The following USP10 variants were observed in gnomAD, a reference collection of about 807,000 sequenced individuals.
USP10 encodes ubiquitin carboxyl-terminal hydrolase 10.
In USP10, 22 loss-of-function variants were observed where a neutral mutation model predicts 84.5. That is an observed-to-expected ratio of 0.26 (90% CI 0.19 to 0.37). The LOEUF (loss-of-function observed/expected upper bound fraction) is 0.37. Among genes scored for constraint, USP10 ranks in the 10% least tolerant of loss-of-function variants. USP10 has a pLI of 1.00. For synonymous variants in USP10, 454 were observed against 387.6 expected (o/e 1.17, Z -2.01); for missense variants, 1,019 against 998.9 (o/e 1.02, Z -0.27).
chr16:84,772,663 T>C lies in USP10; in HGVS notation c.2121T>C (p.Pro707=). 6.2e-7 allele frequency: 1 copy of C among 1,613,964 alleles called. No homozygotes were observed. Among genetic ancestry groups the C allele is most frequent in the East Asian group, 2.2e-5 (1 of 44,886 alleles). Residue 707 remains proline (P), a synonymous_variant, in exon 12 of 14, where the codon CCT becomes CCC. Transcript: ENST00000219473. ...AGCTTATCAAAAATATTGAATATCC[T>C]GTGGACTTGGAAATTAGTAAAGGTA... ...CQKLIKNIEY[P]VDLEISKELL... is the part of the protein sequence containing the mutation.
chr16:84,763,623 G>C (rs958874397), intron 9 of USP10, among the ~76,000 whole-genome samples: 1 of 152,234 alleles, frequency 6.6e-6, no homozygotes, highest in Non-Finnish European at 1.5e-5. Flanking sequence ...AATTTCGCCA[G>C]TTGTCCCAGG....
In USP10 at chr16:84,779,800, C is replaced by G. The variant is rs1382405414; in HGVS notation, c.*718C>G. 1 of 152,638 alleles carries G rather than the reference C, an allele frequency of 6.6e-6. No homozygotes were observed. Among genetic ancestry groups the G allele is most frequent in the Non-Finnish European group, 1.5e-5 (1 of 68,058 alleles). 9.5% of individuals were successfully genotyped at this position (152,638 alleles called of 1,614,324 possible). ...AAATAATGAAGATCTCTCCTTCAGT[C>G]TGCTCTGTTTAATTCTGCTGTCTGC... On this transcript the variant is annotated 3_prime_UTR_variant, in exon 14 of 14. Coordinates refer to ENST00000219473, the MANE Select transcript of USP10 (RefSeq NM_005153.3).
At chr16:84,724,565 C>A (rs1277196972) in intron 1 of USP10, among the ~76,000 whole-genome samples, 4 of 152,106 alleles carry the variant, frequency 2.6e-5, no homozygotes, top group African/African-American at 9.7e-5. Flanking sequence ...CCTCTTTGCC[C>A]CAAGAAAGTA....
chr16:84,704,785 G>C, intron 1 of USP10: 1 of 1,535,460 alleles, frequency 6.5e-7, no homozygotes, highest in South Asian at 1.2e-5. Flanking sequence ...TGAGAACCCA[G>C]AAGCTCTACC....
At chr16:84,729,540 A>G (rs1054541219) in intron 1 of USP10, among the ~76,000 whole-genome samples, 3 of 152,222 alleles carry the variant, frequency 2.0e-5, no homozygotes, top group Non-Finnish European at 4.4e-5. Context: ...TATGGGGAAT[A>G]CTCATTGTAT....
At chr16:84,754,611 C>T (rs1460430718) in intron 4 of USP10, among the ~76,000 whole-genome samples, 3 of 152,150 alleles carry the variant, frequency 2.0e-5, no homozygotes, top group East Asian at 1.9e-4. Context: ...AAAACTGAAA[C>T]TGCTTTTTAA....
intron 12 of USP10, among the ~76,000 whole-genome samples, chr16:84,773,166 C>G (rs935982600): frequency 2.6e-5 from 4 of 152,146 alleles, no homozygotes; most frequent in East Asian, 1.9e-4. Flanking sequence ...GGGCTCGGCA[C>G]TTTTTGAAAG....
chr16:84,750,131 G>T lies in USP10; in HGVS notation c.1192+4458G>T, dbSNP rs187871677. Among the ~76,000 whole-genome samples the T allele has an allele frequency of 1.4e-4, 21 of 152,258 alleles. No individual in the cohort carries two copies. In the East Asian group the frequency reaches 4.1e-3, roughly 29 times the overall value. The stretch of plus-strand genomic sequence containing the variant: ...AACAAAAGGAAACTTAATACAGCCC[G>T]GCACAGTGGCTCACGCCTGTAATCC... On this transcript the variant is annotated intron_variant, in intron 4 of 13. Transcript: ENST00000219473.
At position 84,777,663 on chromosome 16, in the gene USP10, G is replaced by A. The variant is rs541328916; in HGVS notation, c.2210-1232G>A. Among the ~76,000 whole-genome samples the A allele has an allele frequency of 2.0e-5, 3 of 152,206 alleles. No individual in the cohort carries two copies. In the East Asian group the frequency reaches 5.8e-4, roughly 29 times the overall value. On this transcript the variant is annotated intron_variant, in intron 13 of 13. Transcript: ENST00000219473. The stretch of plus-strand genomic sequence containing the variant: ...CCCAGGAGTCTGACTGGTGGCCTCA[G>A]TCATAAGCACTGTCCTCTAGCCAGC...
chr16:84,751,552 C>T (rs949621306), intron 4 of USP10, among the ~76,000 whole-genome samples: 1 of 152,206 alleles, frequency 6.6e-6, no homozygotes, highest in Admixed American at 6.5e-5. Context: ...TTTGTAGCCT[C>T]ACATTTATTA....
chr16:84,703,941 A>G (rs948463064), intron 1 of USP10, among the ~76,000 whole-genome samples: 3 of 152,264 alleles, frequency 2.0e-5, no homozygotes, highest in African/African-American at 7.2e-5. Flanking sequence ...TAGGACATGT[A>G]TTCCAGTGTT....
chr16:84,755,287 G>A (rs534702523), intron 4 of USP10, among the ~76,000 whole-genome samples: 209 of 151,604 alleles, frequency 1.4e-3, no homozygotes, highest in Non-Finnish European at 2.1e-3. Flanking sequence ...CTTTCCTTCC[G>A]TATCGTCAAG....
chr16:84,766,206 T>C (rs1913843800), intron 10 of USP10, among the ~76,000 whole-genome samples: 1 of 152,214 alleles, frequency 6.6e-6, no homozygotes, highest in Non-Finnish European at 1.5e-5. Flanking sequence ...CAGAAGCTGG[T>C]TTCCCGTCCT....
At position 84,751,637 on chromosome 16, in the gene USP10, C is replaced by A. The variant is rs59937517; in HGVS notation, c.1192+5964C>A. Among the ~76,000 whole-genome samples the A allele has an allele frequency of 9.3e-3, 1,409 of 152,272 alleles. 15 individuals carry two copies. The highest frequency in any genetic ancestry group is 0.032 in the African/African-American group (1,316 of 41,550). ...TGGTACATTTTGGTCACTTTGCTGT[C>A]CTCCACCTGGTTAGATAACCAAGAT... On this transcript the variant is annotated intron_variant, in intron 4 of 13. Coordinates refer to ENST00000219473, the MANE Select transcript of USP10 (RefSeq NM_005153.3).
intron 1 of USP10, chr16:84,733,117 A>G (rs1417486228): frequency 2.1e-6 from 1 of 482,190 alleles, no homozygotes; most frequent in Non-Finnish European, 4.1e-6. Context: ...TAAATGGAAC[A>G]ACTGGCAGTA....
chr16:84,706,456 G>T (rs895218829), intron 1 of USP10, among the ~76,000 whole-genome samples: 2 of 149,442 alleles, frequency 1.3e-5, no homozygotes, highest in Non-Finnish European at 3.0e-5. Context: ...CCCTTACGTG[G>T]CTGCAAAGAC....
chr16:84,705,038 G>T (rs899871566), intron 1 of USP10, among the ~76,000 whole-genome samples: 1 of 152,184 alleles, frequency 6.6e-6, no homozygotes, highest in Admixed American at 6.5e-5. Context: ...TCTCCTCCCC[G>T]TTGGGCTTGT....
chr16:84,771,937 A>G (rs1319154504), intron 11 of USP10, among the ~76,000 whole-genome samples: 1 of 152,152 alleles, frequency 6.6e-6, no homozygotes, highest in African/African-American at 2.4e-5. Flanking sequence ...TTTTTATGCT[A>G]ATTTGTCAGT....
intron 10 of USP10, 44 bp from the exon 11 acceptor site, chr16:84,768,149 A>T: frequency 2.0e-6 from 3 of 1,531,660 alleles, no homozygotes; most frequent in Non-Finnish European, 2.6e-6. Flanking sequence ...GAAAGTGGCA[A>T]GGAGTGGTCT....
Sources: gnomAD v4.1 joint callset for allele counts (sites outside exome capture counted in the v4.1 genomes callset) on GRCh38, gnomAD v4.1.1 for gene constraint, MANE v1.5 for transcripts, NCBI Gene and HGNC (gene_info 2026-07-23, HGNC 2026-07-21) for gene names.